Variants in KLHL3 observed in about 807,000 individuals in gnomAD.
KLHL3 encodes kelch like family member 3.
Under a neutral mutation model 70.5 loss-of-function variants are expected in KLHL3, and 19 were observed. The observed-to-expected ratio is 0.27, with a 90% CI of 0.19 to 0.40. The LOEUF (loss-of-function observed/expected upper bound fraction) is 0.40, where lower values mean the gene tolerates loss of function less well. Among genes scored for constraint, KLHL3 ranks in the 10% least tolerant of loss-of-function variants. KLHL3 has a pLI of 1.00. For synonymous variants in KLHL3, 258 were observed against 290.3 expected, an observed-to-expected ratio of 0.89 and a Z score of 1.13; for missense variants, 512 against 771.1, an observed-to-expected ratio of 0.66 and a Z score of 3.98.
chr5:137,672,485 T>C (rs1751785308), intron 6 of KLHL3, among the ~76,000 whole-genome samples: 1 of 152,240 alleles, frequency 6.6e-6, no homozygotes, highest in African/African-American at 2.4e-5. Context: ...AAGTAACCTA[T>C]AGTTCTTATT....
At chr5:137,656,850 A>C (rs1045969688) in intron 8 of KLHL3, among the ~76,000 whole-genome samples, 2 of 152,258 alleles carry the variant, frequency 1.3e-5, no homozygotes, top group Non-Finnish European at 2.9e-5. Flanking sequence ...CTCAGTTCAA[A>C]TGCTGGTTCT....
At chr5:137,636,069 C>T (rs1162260688) in intron 11 of KLHL3, among the ~76,000 whole-genome samples, 1 of 152,156 alleles carries the variant, frequency 6.6e-6, no homozygotes, top group African/African-American at 2.4e-5. Context: ...TTACACTTGG[C>T]AGACAAATCA....
chr5:137,683,091 G>A (rs1208897847), intron 5 of KLHL3, among the ~76,000 whole-genome samples: 1 of 152,128 alleles, frequency 6.6e-6, no homozygotes, highest in Non-Finnish European at 1.5e-5. Flanking sequence ...TACCCCCAGA[G>A]AAAGCCCTTG....
intron 6 of KLHL3, among the ~76,000 whole-genome samples, chr5:137,669,119 A>C (rs191916158): frequency 1.3e-5 from 2 of 152,254 alleles, no homozygotes; most frequent in Admixed American, 1.3e-4. Flanking sequence ...AGACGAAGTC[A>C]TTTGCCTGAC....
At chr5:137,732,419 A>C (rs925104144) in intron 1 of KLHL3, among the ~76,000 whole-genome samples, 5 of 150,952 alleles carry the variant, frequency 3.3e-5, no homozygotes, top group African/African-American at 4.9e-5. Flanking sequence ...ACAAACATGC[A>C]TCCAGCCCAT....
intron 12 of KLHL3, among the ~76,000 whole-genome samples, chr5:137,633,009 A>C (rs556391555): frequency 6.6e-6 from 1 of 152,216 alleles, no homozygotes; most frequent in Admixed American, 6.5e-5. Flanking sequence ...GGCCGGGTGC[A>C]GTGGCTCATG....
At chr5:137,625,025 T>A (rs1750423825) in intron 14 of KLHL3, among the ~76,000 whole-genome samples, 1 of 152,256 alleles carries the variant, frequency 6.6e-6, no homozygotes, top group Non-Finnish European at 1.5e-5. Context: ...ATTAGCTGTG[T>A]GGCCTTCAGC....
At chr5:137,717,697 T>C (rs1403629394) in intron 2 of KLHL3, among the ~76,000 whole-genome samples, 2 of 152,204 alleles carry the variant, frequency 1.3e-5, no homozygotes, top group African/African-American at 4.8e-5. Flanking sequence ...AATAAAATTA[T>C]AGATGACTTG....
In KLHL3 at chr5:137,658,238, T is replaced by C. The variant is rs1388525955; in HGVS notation, c.796A>G (p.Lys266Glu). ...EALIKNNNTC[K>E]DFLIEAMKYH... ...TTCATGGCCTCAATGAGGAAGTCTTTACAGGTGTTGTTATTCTTTATCAAA... is the reference window on the plus strand; with the variant it reads ...TTCATGGCCTCAATGAGGAAGTCTTCACAGGTGTTGTTATTCTTTATCAAA... The change falls in exon 8 of 15, where the codon AAA (lysine) becomes GAA (glutamate). Residue 266 changes from lysine to glutamate, a missense_variant. Lys to Glu is a moderately conservative substitution (Grantham distance 56). Coordinates refer to ENST00000309755, the MANE Select transcript of KLHL3 (RefSeq NM_017415.3). 1.2e-6 allele frequency: 2 copies of C among 1,613,806 alleles called. No homozygotes were observed. Among genetic ancestry groups the C allele is most frequent in the Non-Finnish European group, 1.7e-6 (2 of 1,179,704 alleles).
chr5:137,717,152 G>A (rs1404358123), intron 2 of KLHL3, among the ~76,000 whole-genome samples: 1 of 152,138 alleles, frequency 6.6e-6, no homozygotes, highest in Non-Finnish European at 1.5e-5. Flanking sequence ...GACCCCTATG[G>A]CCAAGGACTT....
intron 10 of KLHL3, among the ~76,000 whole-genome samples, chr5:137,637,813 C>G (rs1428312845): frequency 6.6e-6 from 1 of 152,204 alleles, no homozygotes; most frequent in Non-Finnish European, 1.5e-5. Context: ...TGCAGCTAGG[C>G]GTGACCAAGT....
intron 1 of KLHL3, among the ~76,000 whole-genome samples, chr5:137,730,633 T>C (rs1217214380): frequency 6.6e-6 from 1 of 152,190 alleles, no homozygotes; most frequent in Non-Finnish European, 1.5e-5. Flanking sequence ...GGGAAAACTC[T>C]TAAGTGGGCT....
chr5:137,622,277 G>A (rs1750332577), intron 14 of KLHL3, 151 bp from the exon 15 acceptor site: 1 of 919,948 alleles, frequency 1.1e-6, no homozygotes, highest in Non-Finnish European at 1.7e-6. Context: ...CAGGCTGCTA[G>A]CAGCTGGCTG....
At chr5:137,697,254 C>A (rs536839244) in intron 4 of KLHL3, among the ~76,000 whole-genome samples, 3 of 152,018 alleles carry the variant, frequency 2.0e-5, no homozygotes, top group Non-Finnish European at 4.4e-5. Flanking sequence ...ACCTCCGCCT[C>A]CTGGGTTCAA....
intron 10 of KLHL3, 78 bp from the exon 11 acceptor site, chr5:137,637,473 A>G (rs74471269): frequency 7.8e-7 from 1 of 1,283,702 alleles, no homozygotes; most frequent in Non-Finnish European, 1.1e-6. Flanking sequence ...AGGATGGGGG[A>G]GGAGTCCAAA....
intron 8 of KLHL3, among the ~76,000 whole-genome samples, chr5:137,654,532 T>TA (rs953085985): frequency 6.6e-5 from 10 of 152,218 alleles, no homozygotes; most frequent in Non-Finnish European, 1.3e-4. Flanking sequence ...TCCCTCAGCA[T>TA]ACCCTATTCA....
chr5:137,704,079 G>GA (rs1752626758), intron 3 of KLHL3, among the ~76,000 whole-genome samples: 1 of 152,180 alleles, frequency 6.6e-6, no homozygotes, highest in East Asian at 1.9e-4. Context: ...GATCAGAGAG[G>GA]AAAGTGAATT....
intron 6 of KLHL3, among the ~76,000 whole-genome samples, chr5:137,674,255 T>C (rs1215995293): frequency 6.6e-6 from 1 of 152,188 alleles, no homozygotes; most frequent in African/African-American, 2.4e-5. Flanking sequence ...ATTTTTTTAG[T>C]GTCTACCATG....
chr5:137,626,496 T>C lies in KLHL3; in HGVS notation c.1592-600A>G, dbSNP rs186190288. Reference sequence around the variant, plus strand: ...GTCTCATACAGCAGGGTCTAAGGCATAGGAAAATGTAATGAATTATTGCTC... The same window carrying C: ...GTCTCATACAGCAGGGTCTAAGGCACAGGAAAATGTAATGAATTATTGCTC... On this transcript the variant is annotated intron_variant, in intron 13 of 14. Transcript: ENST00000309755. Among the ~76,000 whole-genome samples the C allele has an allele frequency of 1.4e-4, 22 of 152,326 alleles. 1 individual carries two copies. The highest frequency in any genetic ancestry group is 3.8e-4 in the African/African-American group (16 of 41,576).
Sources: gnomAD v4.1 joint callset for allele counts (sites outside exome capture counted in the v4.1 genomes callset) on GRCh38, gnomAD v4.1.1 for gene constraint, MANE v1.5 for transcripts, NCBI Gene and HGNC (gene_info 2026-07-23, HGNC 2026-07-21) for gene names.